Variants in RBM4B observed in about 807,000 individuals in gnomAD.
RBM4B encodes the protein RNA-binding protein 4B.
RBM4B carries 13 observed loss-of-function variants against 28.5 expected under a neutral mutation model. The ratio of observed to expected loss-of-function variants is 0.46; its 90% CI spans 0.30 to 0.72. The LOEUF (loss-of-function observed/expected upper bound fraction) is 0.72. Ranked by LOEUF, RBM4B falls within the 30% of genes least tolerant of loss-of-function variation. RBM4B has a pLI of 0.09. For missense variants in RBM4B, 387 were observed against 477.6 expected, an observed-to-expected ratio of 0.81 and a Z score of 1.77; for synonymous variants, 167 against 179.1, an observed-to-expected ratio of 0.93 and a Z score of 0.54.
rs1416105313 is a variant in RBM4B at position 66,668,789 on chromosome 11, T to G, written c.915A>C (p.Pro305=). The G allele has an allele frequency of 2.5e-6, 4 of 1,614,096 alleles. No individual in the cohort carries two copies. Among genetic ancestry groups the G allele is most frequent in the African/African-American group, 2.7e-5 (2 of 74,934 alleles). The change falls in exon 3 of 4, where the codon CCA becomes CCC. Residue 305 remains proline, a synonymous_variant. Transcript: ENST00000310046. ...GGAGCATGGCTGCAGCACGACGCAG[T>G]GGGCTCCTGTCCCTTCCATAGTAGG... ...TSSYYGRDRS[P]LRRAAAMLPT...
At chr11:66,674,177 CTTTTTTTTTT>C (rs926208528) in intron 2 of RBM4B, among the ~76,000 whole-genome samples, 2 of 124,456 alleles carry the variant, frequency 1.6e-5, no homozygotes, top group African/African-American at 6.0e-5. Context: ...ATTTTTTTTT[CTTTTTTTTTT>C]TTTTTTATTA....
At chr11:66,665,669 CG>C (rs1035364385) in intron 3 of RBM4B, 91 bp from the exon 4 acceptor site, 34 of 1,514,326 alleles carry the variant, frequency 2.2e-5, no homozygotes, top group Admixed American at 4.4e-5. Context: ...TCCTGTATTC[CG>C]GGGGGAAAAA....
At position 66,669,260 on chromosome 11, in the gene RBM4B, G is replaced by A. The variant is rs1466947071; in HGVS notation, c.444C>T (p.Ser148=). The part of the protein sequence containing the change: ...GKRMHVQLST[S]RLRTAPGMGD... ...CCATACCAGGGGCAGTCCGAAGCCG[G>A]CTTGTGGACAACTGCACATGCATTC... The change falls in exon 3 of 4, where the codon AGC becomes AGT. Residue 148 remains serine (S), a synonymous_variant. Transcript: ENST00000310046. The A allele has an allele frequency of 4.3e-6, 7 of 1,613,922 alleles. No homozygotes were observed. Among genetic ancestry groups the A allele is most frequent in the Non-Finnish European group, 5.1e-6 (6 of 1,179,938 alleles).
rs1939342881 is a variant in RBM4B at position 66,668,711 on chromosome 11, A to C, written c.993T>G (p.Ala331=). 1.2e-6 allele frequency: 2 copies of C among 1,614,190 alleles called. No homozygotes were observed. The highest frequency in any genetic ancestry group is 1.3e-5 in the African/African-American group (1 of 75,066). The change falls in exon 3 of 4, where the codon GCT becomes GCG. Residue 331 remains alanine (A), a synonymous_variant. Coordinates refer to ENST00000310046, the MANE Select transcript of RBM4B (RefSeq NM_031492.4). The part of the protein sequence containing the change: ...GYGPESELSQ[A]SAATRNSLYD... The stretch of plus-strand genomic sequence containing the variant: ...ACAGAGAATTCCGTGTAGCTGCGGA[A>C]GCCTGAGATAATTCACTCTCTGGCC...
At chr11:66,666,378 G>A in intron 3 of RBM4B, 1 of 995,106 alleles carries the variant, frequency 1.0e-6, no homozygotes, top group Middle Eastern at 5.2e-4. Flanking sequence ...GCTAGGGTGA[G>A]ACCCGAATTT....
intron 3 of RBM4B, chr11:66,666,547 C>A: frequency 1.9e-6 from 1 of 521,514 alleles, no homozygotes; most frequent in Non-Finnish European, 2.5e-6. Flanking sequence ...AGTTGAACAA[C>A]CACTGCTTGC....
At chr11:66,672,488 A>T (rs971282960) in intron 2 of RBM4B, among the ~76,000 whole-genome samples, 2 of 132,504 alleles carry the variant, frequency 1.5e-5, no homozygotes, top group Admixed American at 7.6e-5. Context: ...CTTTTAATTT[A>T]TTTTTATTAA....
intron 3 of RBM4B, chr11:66,666,737 A>G (rs1939246697): frequency 6.6e-6 from 1 of 152,174 alleles, no homozygotes; most frequent in South Asian, 2.1e-4. Context: ...ATTAATGGCA[A>G]ACTATAAATT....
chr11:66,677,550 A>C (rs1250758526), intron 1 of RBM4B: 1 of 160,900 alleles, frequency 6.2e-6, no homozygotes, highest in East Asian at 1.8e-4. Flanking sequence ...CCTCGCCCCC[A>C]GCGGCCCACC....
In RBM4B at chr11:66,676,729, G is replaced by A. The variant is rs776307445; in HGVS notation, c.351C>T (p.His117=). The A allele has an allele frequency of 1.4e-5, 22 of 1,613,986 alleles. No individual in the cohort carries two copies. Among genetic ancestry groups the A allele is most frequent in the African/African-American group, 1.3e-5 (1 of 74,886 alleles). ...CCACTGCATCCTCTGCCCGCTCCAT[G>A]TGTACGAAGGCATAATCTTTCACGA... The part of the protein sequence containing the change: ...CDIVKDYAFV[H]MERAEDAVEA... Residue 117 remains histidine, a synonymous_variant, in exon 2 of 4, where the codon CAC becomes CAT. Transcript: ENST00000310046.
chr11:66,674,193 T>TA (rs1178231452), intron 2 of RBM4B, among the ~76,000 whole-genome samples: 2 of 150,894 alleles, frequency 1.3e-5, no homozygotes, highest in Non-Finnish European at 3.0e-5. Flanking sequence ...TTTTTTTTTT[T>TA]ATTAACTTCA....
rs1363997205 is a variant in RBM4B at position 66,665,117 on chromosome 11, A to G, written c.*471T>C. The G allele has an allele frequency of 6.4e-6, 1 of 156,916 alleles. No individual in the cohort carries two copies. Among genetic ancestry groups the G allele is most frequent in the Non-Finnish European group, 1.4e-5 (1 of 71,294 alleles). The allele number at this position is 156,916 out of a possible 1,614,324, so 9.7% of individuals were successfully genotyped here. A position where few individuals can be genotyped will look rare whatever the true frequency, so the allele number is the denominator to read the frequency against. ...CGATCACAGGTCGGACATAAAAAAC[A>G]AACAAAACAACAAAACCCCCAATGG... On this transcript the variant is annotated 3_prime_UTR_variant, in exon 4 of 4. Transcript: ENST00000310046.
intron 2 of RBM4B, chr11:66,670,800 T>A (rs903127850): frequency 1.5e-5 from 9 of 609,686 alleles, no homozygotes; most frequent in Middle Eastern, 2.6e-4. Flanking sequence ...AGTGTGAGAC[T>A]CCATCTCAAA....
chr11:66,670,819 A>AG, intron 2 of RBM4B: 1 of 634,992 alleles, frequency 1.6e-6, no homozygotes, highest in Non-Finnish European at 2.8e-6. Context: ...AAAAAAAAAA[A>AG]AAAATGGAAA....
At position 66,668,677 on chromosome 11, in the gene RBM4B, C is replaced by A. The variant is rs1939341026; in HGVS notation, c.1027G>T (p.Ala343Ser). The A allele has an allele frequency of 6.2e-7, 1 of 1,614,092 alleles. No homozygotes were observed. The highest frequency in any genetic ancestry group is 8.5e-7 in the Non-Finnish European group (1 of 1,179,920). Reference protein sequence around the residue: ...AATRNSLYDMARYEREQYVDR... With the variant: ...AATRNSLYDMSRYEREQYVDR... ...ACATACTGCTCCCGTTCATACCGGGCCATGTCATACAGAGAATTCCGTGTA... is the reference window on the plus strand; with the variant it reads ...ACATACTGCTCCCGTTCATACCGGGACATGTCATACAGAGAATTCCGTGTA... The change falls in exon 3 of 4, where the codon GCC becomes TCC. Residue 343 changes from alanine (A) to serine (S), a missense_variant. Physicochemically the swap from Ala to Ser is moderately conservative, Grantham distance 99 (BLOSUM62 1). Around this residue, in one of 2 missense-constraint regions of RBM4B, gnomAD observed 226 missense variants for 220.6 expected, o/e 1.02. Coordinates refer to ENST00000310046, the MANE Select transcript of RBM4B (RefSeq NM_031492.4).
intron 2 of RBM4B, among the ~76,000 whole-genome samples, chr11:66,671,572 C>A (rs1939463938): frequency 6.6e-6 from 1 of 152,122 alleles, no homozygotes; most frequent in Non-Finnish European, 1.5e-5. Context: ...TTTATAGATT[C>A]TGGGTCCATT....
chr11:66,665,476 T>C lies in RBM4B; in HGVS notation c.*112A>G. On this transcript the variant is annotated 3_prime_UTR_variant, in exon 4 of 4. Transcript: ENST00000310046. ...TAGTTGGTCACAAACTCCTTTTGTT[T>C]ACTGAAACATGAAGCAATGGAAACA... The C allele has an allele frequency of 1.1e-6, 1 of 874,396 alleles. No homozygotes were observed. Among genetic ancestry groups the C allele is most frequent in the Non-Finnish European group, 1.8e-6 (1 of 551,036 alleles). 54.2% of individuals were successfully genotyped at this position (874,396 alleles called of 1,614,324 possible).
At chr11:66,671,514 A>C (rs1463109522) in intron 2 of RBM4B, among the ~76,000 whole-genome samples, 2 of 152,214 alleles carry the variant, frequency 1.3e-5, no homozygotes, top group Admixed American at 6.5e-5. Context: ...CCAGAGACCT[A>C]AAAGTAACAT....
chr11:66,669,216 TAGC>T lies in RBM4B; in HGVS notation c.485_487del (p.Cys162del), dbSNP rs1565093430. ...CCAGTGCCCTTCTTTCCCACACCGA[TAGC>T]AGCCACTCTGGTCTCCCATACCAGG... On this transcript the variant is annotated inframe_deletion, in exon 3 of 4. Transcript: ENST00000310046. 2 of 1,614,184 alleles carry T rather than the reference TAGC, an allele frequency of 1.2e-6. No homozygotes were observed. Among genetic ancestry groups the T allele is most frequent in the Non-Finnish European group, 1.7e-6 (2 of 1,180,034 alleles).
Sources: allele counts gnomAD v4.1 joint callset (sites outside exome capture counted in the v4.1 genomes callset), GRCh38; gene constraint gnomAD v4.1.1; regional missense constraint gnomAD v4.1.1; transcripts MANE v1.5; gene names NCBI Gene and HGNC (gene_info 2026-07-23, HGNC 2026-07-21).